The following CEP128 variants were observed in gnomAD, a reference collection of about 807,000 sequenced individuals.
CEP128 encodes the protein centrosomal protein 128.
A neutral mutation model predicts 156.7 loss-of-function variants in CEP128; 132 were observed. The observed-to-expected ratio is 0.84, with a 90% CI of 0.73 to 0.97. The LOEUF is 0.97. Ranked by LOEUF, CEP128 falls within the 50% of genes least tolerant of loss-of-function variation. The probability of loss-of-function intolerance (pLI) is 0.00; values close to 1 mark genes in which losing one functional copy is unlikely to be tolerated. For missense variants in CEP128, 1,252 were observed against 1,281.9 expected (o/e 0.98, Z 0.36); for synonymous variants, 469 against 448.9 (o/e 1.04, Z -0.57).
chr14:80,951,789 G>A (rs1021868214), intron 2 of CEP128, among the ~76,000 whole-genome samples: 2 of 151,860 alleles, frequency 1.3e-5, no homozygotes, highest in African/African-American at 4.8e-5. Context: ...AACTCAAAGA[G>A]GTTAAAGTAT....
At chr14:80,540,341 C>T (rs1277360452) in intron 21 of CEP128, among the ~76,000 whole-genome samples, 1 of 152,114 alleles carries the variant, frequency 6.6e-6, no homozygotes, top group African/African-American at 2.4e-5. Context: ...ATTTCTCAGC[C>T]AGCTGACACT....
chr14:80,562,655 CTT>C (rs1170778718), intron 20 of CEP128, among the ~76,000 whole-genome samples: 20 of 114,352 alleles, frequency 1.7e-4, no homozygotes, highest in East Asian at 7.4e-4. Flanking sequence ...CTTTTCTTTT[CTT>C]TTTTTTTTTT....
At chr14:80,797,944 T>A (rs1378093748) in intron 13 of CEP128, among the ~76,000 whole-genome samples, 1 of 152,178 alleles carries the variant, frequency 6.6e-6, no homozygotes, top group East Asian at 1.9e-4. Context: ...CCTGGAGGCA[T>A]CTTCTACACT....
In CEP128 at chr14:80,771,628, A is replaced by G. The variant is rs367653225; in HGVS notation, c.2376+6254T>C. ...CCTGATCTATTCAACACAAGTTCCT[A>G]TCAATTGCTATAGCCTTAGATGTCT... On this transcript the variant is annotated intron_variant, in intron 16 of 24. Coordinates refer to ENST00000555265, the MANE Select transcript of CEP128 (RefSeq NM_152446.5). 3.3e-5 allele frequency among the ~76,000 whole-genome samples: 5 copies of G among 152,296 alleles called. No homozygotes were observed. The East Asian group carries it at 5.8e-4, about 18-fold the overall frequency.
chr14:80,597,879 G>C (rs954543969), intron 19 of CEP128, among the ~76,000 whole-genome samples: 1 of 123,420 alleles, frequency 8.1e-6, no homozygotes, highest in African/African-American at 3.2e-5. Flanking sequence ...ACAAGTATTT[G>C]ACAAAATTCA....
chr14:80,926,138 C>A (rs1186788057), intron 2 of CEP128, among the ~76,000 whole-genome samples: 1 of 152,128 alleles, frequency 6.6e-6, no homozygotes, highest in African/African-American at 2.4e-5. Flanking sequence ...TTGGTCAGAA[C>A]CGAGGGGTGG....
At chr14:80,896,234 G>C (rs1017252756) in intron 7 of CEP128, among the ~76,000 whole-genome samples, 1 of 152,108 alleles carries the variant, frequency 6.6e-6, no homozygotes, top group Admixed American at 6.6e-5. Context: ...AAAGTGTGCT[G>C]TACAAACTCT....
intron 2 of CEP128, among the ~76,000 whole-genome samples, chr14:80,920,102 G>A (rs1884774445): frequency 6.6e-6 from 1 of 152,094 alleles, no homozygotes; most frequent in Non-Finnish European, 1.5e-5. Context: ...TATTTACATT[G>A]TTGATAAAAA....
intron 19 of CEP128, among the ~76,000 whole-genome samples, chr14:80,631,092 A>G (rs972807366): frequency 1.3e-5 from 2 of 151,986 alleles, no homozygotes; most frequent in South Asian, 4.1e-4. Flanking sequence ...AAAATCATAT[A>G]TATGCAAAGA....
intron 12 of CEP128, among the ~76,000 whole-genome samples, chr14:80,835,528 T>C (rs566362809): frequency 1.3e-5 from 2 of 152,302 alleles, no homozygotes; most frequent in South Asian, 2.1e-4. Flanking sequence ...AGCCTCATTA[T>C]TGGGATAATA....
intron 19 of CEP128, among the ~76,000 whole-genome samples, chr14:80,677,746 A>T (rs1896123540): frequency 6.6e-6 from 1 of 151,976 alleles, no homozygotes; most frequent in Admixed American, 6.6e-5. Flanking sequence ...CTAGAAATAA[A>T]TTAAAAGAAA....
intron 2 of CEP128, among the ~76,000 whole-genome samples, chr14:80,930,046 T>G (rs1421086067): frequency 6.6e-6 from 1 of 152,202 alleles, no homozygotes; most frequent in Non-Finnish European, 1.5e-5. Flanking sequence ...TAGATTGTCC[T>G]AGGAGCACAA....
intron 19 of CEP128, among the ~76,000 whole-genome samples, chr14:80,695,586 G>A (rs970791044): frequency 6.6e-6 from 1 of 151,768 alleles, no homozygotes; most frequent in African/African-American, 2.4e-5. Flanking sequence ...GCGTGGTGGT[G>A]CACACCTGTA....
chr14:80,700,201 T>G (rs1192635036), intron 19 of CEP128, among the ~76,000 whole-genome samples: 1 of 152,156 alleles, frequency 6.6e-6, no homozygotes, highest in Non-Finnish European at 1.5e-5. Flanking sequence ...AGTTTAGTCT[T>G]TGGGACCACT....
chr14:80,894,704 G>T (rs1481195863), intron 8 of CEP128: 1 of 362,052 alleles, frequency 2.8e-6, no homozygotes, highest in African/African-American at 2.2e-5. Flanking sequence ...CAAAAGAAAA[G>T]TATTTTTATG....
intron 21 of CEP128, among the ~76,000 whole-genome samples, chr14:80,534,069 C>A (rs1889359904): frequency 6.6e-6 from 1 of 152,174 alleles, no homozygotes; most frequent in South Asian, 2.1e-4. Flanking sequence ...TGAGTCCAAT[C>A]TTACAGGCGT....
At chr14:80,832,620 A>C (rs1885867159) in intron 12 of CEP128, among the ~76,000 whole-genome samples, 1 of 152,224 alleles carries the variant, frequency 6.6e-6, no homozygotes, top group Non-Finnish European at 1.5e-5. Context: ...GAGGAACTAA[A>C]GTAGGAAGAA....
At chr14:80,934,339 A>G (rs955141117) in intron 2 of CEP128, among the ~76,000 whole-genome samples, 1 of 152,226 alleles carries the variant, frequency 6.6e-6, no homozygotes, top group African/African-American at 2.4e-5. Context: ...AGCAGACCTT[A>G]AAATTAAAGG....
In CEP128 at chr14:80,793,055, CG is replaced by C; in HGVS notation, c.1264del (p.Arg422AspfsTer26). On this transcript the variant is annotated frameshift_variant, in exon 14 of 25. Transcript: ENST00000555265. LOFTEE classifies it high-confidence loss of function. ...AAAGTGATTCTGGATCTCCTTAAGT[CG>C]ATCCAACATCTGCAGTTGCTGTTTT... ...GEKQQLQMLD[R>X]LKEIQNHFDT... 1 of 1,614,052 alleles carries C rather than the reference CG, an allele frequency of 6.2e-7. No homozygotes were observed. The highest frequency in any genetic ancestry group is 8.5e-7 in the Non-Finnish European group (1 of 1,179,952).
Sources: allele counts gnomAD v4.1 joint callset (sites outside exome capture counted in the v4.1 genomes callset), GRCh38; gene constraint gnomAD v4.1.1; transcripts MANE v1.5; gene names NCBI Gene and HGNC (gene_info 2026-07-23, HGNC 2026-07-21).